Variants in ANO6 observed in about 807,000 individuals in gnomAD.
ANO6 encodes anoctamin 6, also known as anoctamin-6.
A neutral mutation model predicts 117.5 loss-of-function variants in ANO6; 106 were observed. The ratio of observed to expected loss-of-function variants is 0.90; its 90% CI spans 0.77 to 1.06. The LOEUF (loss-of-function observed/expected upper bound fraction) is 1.06, where lower values mean the gene tolerates loss of function less well. Among genes scored for constraint, ANO6 ranks in the 50% least tolerant of loss-of-function variants. The pLI is 0.00. For missense variants in ANO6, 955 were observed against 1,121.1 expected (o/e 0.85, Z 2.12); for synonymous variants, 367 against 385.1 (o/e 0.95, Z 0.55).
At chr12:45,416,448 T>C (rs1285842967) in intron 16 of ANO6, among the ~76,000 whole-genome samples, 3 of 152,244 alleles carry the variant, frequency 2.0e-5, no homozygotes, top group Non-Finnish European at 4.4e-5. Flanking sequence ...TGACTAAAGA[T>C]GTCTAAATAT....
intron 2 of ANO6, chr12:45,313,504 A>G (rs1160404477): frequency 1.3e-5 from 2 of 152,092 alleles, no homozygotes; most frequent in Admixed American, 6.6e-5. Context: ...GGCTAAGCAC[A>G]TTACAGGGAA....
chr12:45,329,482 G>A (rs912674978), intron 2 of ANO6, among the ~76,000 whole-genome samples: 1 of 152,116 alleles, frequency 6.6e-6, no homozygotes, highest in African/African-American at 2.4e-5. Context: ...AGGTTTGCAT[G>A]CAGACCAGAT....
At chr12:45,324,811 C>A (rs1207944573) in intron 2 of ANO6, among the ~76,000 whole-genome samples, 1 of 152,212 alleles carries the variant, frequency 6.6e-6, no homozygotes, top group Non-Finnish European at 1.5e-5. Context: ...TTACACCTTA[C>A]TTATCTTCTT....
rs182804847 is a variant in ANO6 at position 45,267,751 on chromosome 12, A to G, written c.71-34263A>G. Among the ~76,000 whole-genome samples, 144 of 152,310 alleles carry G rather than the reference A, an allele frequency of 9.5e-4. 1 individual carries two copies. The highest frequency in any genetic ancestry group is 8.4e-3 in the Admixed American group (129 of 15,302). ...GGTTACAGTGAGCTGAGAACATGCC[A>G]GTGTGCTCCAGTCTGGGCAACAGAG... is the stretch of plus-strand genomic sequence containing the variant. On this transcript the variant is annotated intron_variant, in intron 1 of 19. Transcript: ENST00000320560.
intron 8 of ANO6, among the ~76,000 whole-genome samples, chr12:45,357,662 A>G (rs1299437076): frequency 6.6e-6 from 1 of 152,168 alleles, no homozygotes; most frequent in African/African-American, 2.4e-5. Context: ...CCAATATTTT[A>G]AGACAATATT....
rs1040565070 is a variant in ANO6, at chr12:45,388,404, G to C, written c.1308+101G>C. ...CACTTGGGGGAGCTTAAAAAATATT[G>C]ATACCTGAGTTCCATCACTACATAC... On this transcript the variant is annotated intron_variant, in intron 11 of 19. Transcript: ENST00000320560. The C allele has an allele frequency of 8.3e-6, 12 of 1,442,442 alleles. No homozygotes were observed. The African/African-American group carries it at 1.5e-4, about 19-fold the overall frequency. 89.4% of individuals were successfully genotyped at this position (1,442,442 alleles called of 1,614,324 possible). A position where few individuals can be genotyped will look rare whatever the true frequency, so the allele number is the denominator to read the frequency against.
In ANO6 at chr12:45,402,993, T is replaced by C. The variant is rs151258306; in HGVS notation, c.1613-79T>C. On this transcript the variant is annotated intron_variant, in intron 13 of 19. Coordinates refer to ENST00000320560, the MANE Select transcript of ANO6 (RefSeq NM_001025356.3). ...TTTTTAACGTGTTTAACGTGTTAAC[T>C]CATGTATCAGTATTTTTTATTAGAG... 3,091 of 1,322,086 alleles carry C rather than the reference T, an allele frequency of 2.3e-3. 15 individuals carry two copies. Among genetic ancestry groups the C allele is most frequent in the South Asian group, 7.2e-3 (599 of 83,702 alleles). 81.9% of individuals were successfully genotyped at this position (1,322,086 alleles called of 1,614,324 possible). A position where few individuals can be genotyped will look rare whatever the true frequency, so the allele number is the denominator to read the frequency against.
At chr12:45,344,662 A>C (rs1941077810) in intron 3 of ANO6, among the ~76,000 whole-genome samples, 1 of 152,148 alleles carries the variant, frequency 6.6e-6, no homozygotes, top group Non-Finnish European at 1.5e-5. Flanking sequence ...TTGGGCAAAG[A>C]CACAAATCGA....
intron 18 of ANO6, 116 bp downstream of exon 18, chr12:45,421,389 C>A: frequency 9.4e-7 from 1 of 1,065,210 alleles, no homozygotes; most frequent in Non-Finnish European, 1.4e-6. Context: ...ACTTCAGGAT[C>A]AATCAGGTGC....
chr12:45,286,239 A>G (rs945925671), intron 1 of ANO6, among the ~76,000 whole-genome samples: 7 of 152,162 alleles, frequency 4.6e-5, no homozygotes, highest in African/African-American at 1.4e-4. Context: ...GGCTCAAGCA[A>G]TCCTCCTGTC....
At chr12:45,339,404 G>A (rs1940916195) in intron 3 of ANO6, among the ~76,000 whole-genome samples, 1 of 152,050 alleles carries the variant, frequency 6.6e-6, no homozygotes, top group African/African-American at 2.4e-5. Context: ...TAATAGAATA[G>A]TTATCTTGGC....
chr12:45,268,495 G>A (rs895057681), intron 1 of ANO6, among the ~76,000 whole-genome samples: 7 of 152,104 alleles, frequency 4.6e-5, no homozygotes, highest in Admixed American at 3.9e-4. Flanking sequence ...ATTCCAGTCT[G>A]GGTGACAGAG....
At chr12:45,331,480 A>C (rs1940664276) in intron 3 of ANO6, 57 bp downstream of exon 3, 2 of 1,471,850 alleles carry the variant, frequency 1.4e-6, no homozygotes, top group African/African-American at 2.8e-5. Flanking sequence ...ACATGAAAAA[A>C]CTGCTATTTT....
intron 9 of ANO6, among the ~76,000 whole-genome samples, chr12:45,369,646 A>G (rs1356608847): frequency 6.6e-6 from 1 of 152,208 alleles, no homozygotes; most frequent in Non-Finnish European, 1.5e-5. Context: ...TTGAAAAAGA[A>G]AAAGCACTTT....
At chr12:45,224,974 T>G (rs1037545797) in intron 1 of ANO6, among the ~76,000 whole-genome samples, 6 of 152,164 alleles carry the variant, frequency 3.9e-5, no homozygotes, top group Non-Finnish European at 8.8e-5. Flanking sequence ...GAATATTGCT[T>G]GAGCGAAAGA....
chr12:45,438,251 A>ATGTGTG (rs58453929), intron 19 of ANO6, among the ~76,000 whole-genome samples: 53 of 146,742 alleles, frequency 3.6e-4, no homozygotes, highest in Middle Eastern at 3.4e-3. Flanking sequence ...ATTTGCGTGT[A>ATGTGTG]TGTGTGTGTG....
chr12:45,280,760 AGAAAG>A (rs1301240615), intron 1 of ANO6, among the ~76,000 whole-genome samples: 5 of 152,118 alleles, frequency 3.3e-5, no homozygotes, highest in Admixed American at 3.3e-4. Context: ...TTCTTAAATC[AGAAAG>A]GAAAGGAAAC....
chr12:45,255,221 C>T (rs1257639005), intron 1 of ANO6, among the ~76,000 whole-genome samples: 1 of 152,168 alleles, frequency 6.6e-6, no homozygotes, highest in African/African-American at 2.4e-5. Context: ...TCTTGGTCAC[C>T]TTTAAATACT....
rs568942009 is a variant in ANO6 at position 45,346,944 on chromosome 12, T to C, written c.280-78T>C. 1.9e-3 allele frequency: 2,502 copies of C among 1,321,346 alleles called. 7 individuals are homozygous for C. The highest frequency in any genetic ancestry group is 2.4e-3 in the Non-Finnish European group (2,213 of 916,864). The allele number at this position is 1,321,346 out of a possible 1,614,324, so 81.9% of individuals were successfully genotyped here. A position where few individuals can be genotyped will look rare whatever the true frequency, so the allele number is the denominator to read the frequency against. On this transcript the variant is annotated intron_variant, in intron 3 of 19. Coordinates refer to ENST00000320560, the MANE Select transcript of ANO6 (RefSeq NM_001025356.3). ...GTCCACGCTAGTTTGATTTTGTTAT[T>C]AATATTGTTTTAAAAAATGCCTTTT...
Sources: allele counts gnomAD v4.1 joint callset (sites outside exome capture counted in the v4.1 genomes callset), GRCh38; gene constraint gnomAD v4.1.1; transcripts MANE v1.5; gene names NCBI Gene and HGNC (gene_info 2026-07-23, HGNC 2026-07-21).